Variants in APOL2 observed in about 807,000 individuals in gnomAD.
The protein encoded by APOL2 is apolipoprotein L2.
A neutral mutation model predicts 7.1 loss-of-function variants in APOL2; 8 were observed. The observed-to-expected ratio is 1.12, with a 90% CI of 0.66 to 2.03. APOL2 has a LOEUF of 2.03. Ranked by LOEUF, APOL2 falls within the 30% of genes most tolerant of loss-of-function variation. APOL2 has a pLI of 0.00. For missense variants in APOL2, 471 were observed against 415.1 expected (o/e 1.13, Z -1.17); for synonymous variants, 177 against 159.9 (o/e 1.11, Z -0.81).
At chr22:36,237,246 T>A (rs1226758471) in intron 1 of APOL2, 2 of 1,365,626 alleles carry the variant, frequency 1.5e-6, no homozygotes, top group Non-Finnish European at 9.5e-7. Flanking sequence ...GGTGTCCAAC[T>A]GAGCGACCTG....
At chr22:36,231,596 C>T in intron 3 of APOL2, 130 bp from the exon 4 acceptor site, 1 of 1,166,676 alleles carries the variant, frequency 8.6e-7, no homozygotes. Flanking sequence ...ATGGAGTCAT[C>T]AGTGCTATAG....
At chr22:36,230,217 C>T (rs1401581955) in intron 4 of APOL2, among the ~76,000 whole-genome samples, 2 of 152,208 alleles carry the variant, frequency 1.3e-5, no homozygotes, top group Non-Finnish European at 2.9e-5. Context: ...TGAAATTACA[C>T]AAATTGGCAG....
chr22:36,231,440 G>C lies in APOL2; in HGVS notation c.37C>G (p.Leu13Val), dbSNP rs748192840. 1 of 1,613,904 alleles carries C rather than the reference G, an allele frequency of 6.2e-7. No homozygotes were observed. Among genetic ancestry groups the C allele is most frequent in the East Asian group, 2.2e-5 (1 of 44,874 alleles). Reference protein sequence around the residue: ...PESSIFIEDYLKYFQDQVSRE... With the variant: ...PESSIFIEDYVKYFQDQVSRE... ...CTCACTTGGTCCTGGAAATACTTAA[G>C]GTAATCCTCAATAAAGATACTGCTC... Residue 13 changes from leucine (L) to valine (V), a missense_variant, in exon 4 of 5, where the codon CTT becomes GTT. Leu to Val is a conservative substitution (Grantham distance 32). Coordinates refer to ENST00000358502, the MANE Select transcript of APOL2 (RefSeq NM_030882.4).
intron 3 of APOL2, among the ~76,000 whole-genome samples, chr22:36,232,476 G>A (rs1415473842): frequency 6.6e-6 from 1 of 152,186 alleles, no homozygotes; most frequent in Non-Finnish European, 1.5e-5. Flanking sequence ...TAATTCTTAG[G>A]GAGGCCCTAC....
rs1556621134 is a variant in APOL2 at position 36,235,748 on chromosome 22, G to GGGGT, written c.-133-2294_-133-2293insACCC. Reference sequence around the variant, plus strand: ...GAGCCACCGGGAGGAAGAAAGGGTGGGTGGGTGGGTGTGTGTGTGTGTGTG... The same window carrying GGGGT: ...GAGCCACCGGGAGGAAGAAAGGGTGGGGGTGTGGGTGGGTGTGTGTGTGTGTGTG... On this transcript the variant is annotated intron_variant, in intron 1 of 4. Transcript: ENST00000358502. 4.8e-3 allele frequency among the ~76,000 whole-genome samples: 537 copies of GGGGT among 110,724 alleles called. 2 individuals carry two copies. The highest frequency in any genetic ancestry group is 0.015 in the African/African-American group (354 of 24,126). 72.6% of individuals were successfully genotyped at this position (110,724 alleles called of 152,430 possible). A position where few individuals can be genotyped will look rare whatever the true frequency, so the allele number is the denominator to read the frequency against.
chr22:36,239,888 T>TGGG (rs1446955131), upstream of APOL2: 1 of 221,900 alleles, frequency 4.5e-6, no homozygotes, highest in Admixed American at 5.7e-5. Flanking sequence ...GCACAGCAGG[T>TGGG]GGGGGAGAGA....
intron 1 of APOL2, among the ~76,000 whole-genome samples, chr22:36,235,283 C>A (rs1435225026): frequency 6.6e-6 from 1 of 152,216 alleles, no homozygotes; most frequent in Non-Finnish European, 1.5e-5. Flanking sequence ...CCCATTCAAT[C>A]ACCCTACAGG....
Position 36,228,016 on chromosome 22 carries a change from G to A in APOL2, c.402C>T (p.Gly134=), listed in dbSNP as rs1004020698. Residue 134 remains glycine (G), a synonymous_variant, in exon 5 of 5, where the codon GGC becomes GGT. Coordinates refer to ENST00000358502, the MANE Select transcript of APOL2 (RefSeq NM_030882.4). Reference sequence around the variant, plus strand: ...CTTCTGTGAAGGGTGCCAGACCCAGGCCGAGGAGGGTCAGGATGCCAGAGG... The same window carrying A: ...CTTCTGTGAAGGGTGCCAGACCCAGACCGAGGAGGGTCAGGATGCCAGAGG... ...GTTSGILTLL[G]LGLAPFTEGI... 6.2e-7 allele frequency: 1 copy of A among 1,614,238 alleles called. No homozygotes were observed.
chr22:36,239,413 G>A, intron 1 of APOL2, 28 bp downstream of exon 1: 1 of 1,529,986 alleles, frequency 6.5e-7, no homozygotes, highest in Non-Finnish European at 8.8e-7. Flanking sequence ...TAAGGACATG[G>A]GGGTAGATCA....
intron 1 of APOL2, among the ~76,000 whole-genome samples, chr22:36,238,258 A>G (rs1443431344): frequency 6.6e-6 from 1 of 152,204 alleles, no homozygotes; most frequent in Non-Finnish European, 1.5e-5. Flanking sequence ...CAGCCTCTGG[A>G]TGACATGGCC....
chr22:36,226,662 T>TGG lies in APOL2; in HGVS notation c.*740_*741dup, dbSNP rs146028158. The TGG allele has an allele frequency of 0.13, 20,308 of 151,640 alleles. 2,159 individuals carry two copies. The highest frequency in any genetic ancestry group is 0.3 in the African/African-American group (12,314 of 40,868). 9.4% of individuals were successfully genotyped at this position (151,640 alleles called of 1,614,324 possible). A position where few individuals can be genotyped will look rare whatever the true frequency, so the allele number is the denominator to read the frequency against. On this transcript the variant is annotated 3_prime_UTR_variant, in exon 5 of 5. Transcript: ENST00000358502. ...TTTATTCTTGGAAGGACATCAAACCTGGGGGGGGGTCGGTAGTGGAGCTGC... is the reference window on the plus strand; with the variant it reads ...TTTATTCTTGGAAGGACATCAAACCTGGGGGGGGGGGTCGGTAGTGGAGCTGC...
At chr22:36,236,831 C>A in intron 1 of APOL2, 1 of 1,185,306 alleles carries the variant, frequency 8.4e-7, no homozygotes, top group Non-Finnish European at 1.0e-6. Flanking sequence ...GGGACCCAGT[C>A]CTGGGCAGCA....
intron 1 of APOL2, among the ~76,000 whole-genome samples, chr22:36,238,392 G>A (rs1370639505): frequency 2.0e-5 from 3 of 152,130 alleles, no homozygotes; most frequent in African/African-American, 7.2e-5. Flanking sequence ...TTACCCCCCT[G>A]ATTTCATGGA....
intron 1 of APOL2, 191 bp downstream of exon 1, chr22:36,239,250 C>G (rs1171931811): frequency 9.0e-7 from 1 of 1,106,562 alleles, no homozygotes; most frequent in Admixed American, 3.6e-5. Context: ...AGTTTACCCG[C>G]CCAGCAGGAG....
chr22:36,227,255 G>C lies in APOL2; in HGVS notation c.*149C>G. 1 of 952,696 alleles carries C rather than the reference G, an allele frequency of 1.0e-6. No individual in the cohort carries two copies. Among genetic ancestry groups the C allele is most frequent in the Non-Finnish European group, 1.5e-6 (1 of 681,264 alleles). The allele number at this position is 952,696 out of a possible 1,614,324, so 59.0% of individuals were successfully genotyped here. On this transcript the variant is annotated 3_prime_UTR_variant, in exon 5 of 5. Coordinates refer to ENST00000358502, the MANE Select transcript of APOL2 (RefSeq NM_030882.4). ...GGTGTGAACCCGGGAGGCGGAGTTTGCAGTGAGCCGAGATTGAGCCACTGC... is the reference window on the plus strand; with the variant it reads ...GGTGTGAACCCGGGAGGCGGAGTTTCCAGTGAGCCGAGATTGAGCCACTGC...
chr22:36,227,418 CTGGCTGCAGCA>C lies in APOL2; in HGVS notation c.989_999del (p.Met330ArgfsTer106). The C allele has an allele frequency of 6.2e-7, 1 of 1,607,158 alleles. No individual in the cohort carries two copies. Among genetic ancestry groups the C allele is most frequent in the Non-Finnish European group, 8.5e-7 (1 of 1,176,200 alleles). Reference sequence around the variant, plus strand: ...CTGCTCTGGGGTCATTGGTCTTGGCCTGGCTGCAGCATCTCATGGATCTTGGTGAGAAAGTT... The same window carrying C: ...CTGCTCTGGGGTCATTGGTCTTGGCCTCTCATGGATCTTGGTGAGAAAGTT... On this transcript the variant is annotated frameshift_variant, in exon 5 of 5. Coordinates refer to ENST00000358502, the MANE Select transcript of APOL2 (RefSeq NM_030882.4). LOFTEE classifies it low-confidence loss of function (END_TRUNC).
chr22:36,233,542 G>T, intron 1 of APOL2, 87 bp from the exon 2 acceptor site: 1 of 1,196,412 alleles, frequency 8.4e-7, no homozygotes, highest in Non-Finnish European at 1.2e-6. Flanking sequence ...CAGGAATAGA[G>T]ATGGGAGGGA....
chr22:36,236,720 A>C (rs1044316158), intron 1 of APOL2: 34 of 985,172 alleles, frequency 3.5e-5, no homozygotes, highest in Non-Finnish European at 4.1e-5. Flanking sequence ...CCCCCTCCTC[A>C]AAAGCCACTC....
intron 4 of APOL2, among the ~76,000 whole-genome samples, chr22:36,228,623 T>G (rs1204860769): frequency 6.6e-6 from 1 of 151,984 alleles, no homozygotes; most frequent in Non-Finnish European, 1.5e-5. Context: ...CAAAGAGCAG[T>G]GAGAGTGAGA....
Sources: gnomAD v4.1 joint callset for allele counts (sites outside exome capture counted in the v4.1 genomes callset) on GRCh38, gnomAD v4.1.1 for gene constraint, MANE v1.5 for transcripts, NCBI Gene and HGNC (gene_info 2026-07-23, HGNC 2026-07-21) for gene names.